Variants in TBC1D31 observed in about 807,000 individuals in gnomAD.
TBC1D31 encodes the protein WD repeat domain 67.
TBC1D31 carries 99 observed loss-of-function variants against 132.9 expected under a neutral mutation model. The observed-to-expected ratio is 0.74, with a 90% confidence interval of 0.63 to 0.88. The LOEUF is 0.88. Ranked by LOEUF, TBC1D31 falls within the 40% of genes least tolerant of loss-of-function variation. The probability of loss-of-function intolerance (pLI) is 0.00; values close to 1 mark genes in which losing one functional copy is unlikely to be tolerated. For missense variants in TBC1D31, 1,134 were observed against 1,256.6 expected, an observed-to-expected ratio of 0.90 and a Z score of 1.48; for synonymous variants, 385 against 419.4, an observed-to-expected ratio of 0.92 and a Z score of 1.00.
intron 13 of TBC1D31, 140 bp from the exon 14 acceptor site, chr8:123,128,141 G>T: frequency 2.1e-6 from 1 of 468,162 alleles, no homozygotes; most frequent in South Asian, 4.6e-5. Context: ...TAAAACTTGA[G>T]TAAAGAAAAG....
At chr8:123,147,168 T>C (rs1822297366) in intron 20 of TBC1D31, among the ~76,000 whole-genome samples, 1 of 152,048 alleles carries the variant, frequency 6.6e-6, no homozygotes, top group African/African-American at 2.4e-5. Flanking sequence ...ACCCTTGTTT[T>C]TTTTTTTGGT....
intron 10 of TBC1D31, among the ~76,000 whole-genome samples, chr8:123,112,367 G>T (rs955568609): frequency 6.6e-6 from 1 of 152,056 alleles, no homozygotes; most frequent in East Asian, 1.9e-4. Context: ...ATTCAGAACA[G>T]GCTGACTTCT....
intron 6 of TBC1D31, among the ~76,000 whole-genome samples, chr8:123,099,220 C>T (rs1322449081): frequency 3.3e-5 from 5 of 152,146 alleles, no homozygotes; most frequent in South Asian, 2.1e-4. Flanking sequence ...CCCAGGTTCA[C>T]GCCATTCTCC....
the TBC1D31 span, among the ~76,000 whole-genome samples, chr8:123,159,581 C>T: frequency 6.6e-6 from 1 of 152,248 alleles, no homozygotes; most frequent in South Asian, 2.1e-4. Context: ...CACCTGAGGT[C>T]GAGAGTTCGA....
At chr8:123,117,633 G>A (rs1819062473) in intron 10 of TBC1D31, among the ~76,000 whole-genome samples, 1 of 150,616 alleles carries the variant, frequency 6.6e-6, no homozygotes, top group African/African-American at 2.4e-5. Context: ...CGCGCCTGTA[G>A]TCCCAGCTAC....
chr8:123,076,319 T>A (rs1442854679), intron 1 of TBC1D31, among the ~76,000 whole-genome samples: 1 of 141,210 alleles, frequency 7.1e-6, no homozygotes, highest in Non-Finnish European at 1.5e-5. Flanking sequence ...CTTCTTTATT[T>A]TTTCTTTTAA....
Position 123,144,731 on chromosome 8 carries a change from A to C in TBC1D31, c.2850A>C (p.Glu950Asp), listed in dbSNP as rs917152229. 12 of 1,604,766 alleles carry C rather than the reference A, an allele frequency of 7.5e-6. No homozygotes were observed. Among genetic ancestry groups the C allele is most frequent in the Non-Finnish European group, 1.0e-5 (12 of 1,177,844 alleles). ...EEEAKKWKEA[E>D]GKEFRLRSAK... Reference sequence around the variant, plus strand: ...TTTGAATTTAGTGGAAGGAAGCTGAAGGAAAAGAGTTCCGTTTGAGATCAG... The same window carrying C: ...TTTGAATTTAGTGGAAGGAAGCTGACGGAAAAGAGTTCCGTTTGAGATCAG... Residue 950 changes from glutamate to aspartate, a missense_variant, in exon 20 of 22, where the codon GAA becomes GAC. Glu to Asp is a conservative substitution (Grantham distance 45, BLOSUM62 2). Coordinates refer to ENST00000287380, the MANE Select transcript of TBC1D31 (RefSeq NM_145647.4).
At chr8:123,165,035 GAGA>G in the TBC1D31 span, among the ~76,000 whole-genome samples, 1 of 152,216 alleles carries the variant, frequency 6.6e-6, no homozygotes, top group Admixed American at 6.5e-5. Flanking sequence ...TACACACAGA[GAGA>G]AGATGATAAG....
At chr8:123,075,369 T>G (rs1814394097) in intron 1 of TBC1D31, among the ~76,000 whole-genome samples, 1 of 152,220 alleles carries the variant, frequency 6.6e-6, no homozygotes, top group Non-Finnish European at 1.5e-5. Flanking sequence ...TTTAGTATAC[T>G]TTAATGAAAT....
At chr8:123,120,486 A>C (rs1159616574) in intron 11 of TBC1D31, among the ~76,000 whole-genome samples, 1 of 152,178 alleles carries the variant, frequency 6.6e-6, no homozygotes, top group Non-Finnish European at 1.5e-5. Flanking sequence ...AGCCTGGCCA[A>C]CGTGGTGAAA....
intron 1 of TBC1D31, among the ~76,000 whole-genome samples, chr8:123,074,753 T>C (rs1459302228): frequency 6.6e-6 from 1 of 152,218 alleles, no homozygotes; most frequent in Non-Finnish European, 1.5e-5. Context: ...TGGAGTCAGA[T>C]GTATTTTGTT....
At chr8:123,158,108 C>T in the TBC1D31 span, among the ~76,000 whole-genome samples, 3 of 149,790 alleles carry the variant, frequency 2.0e-5, no homozygotes, top group Non-Finnish European at 4.4e-5. Flanking sequence ...GAAGCCCGCT[C>T]TCCTTTCCCT....
rs780767716 is a variant in TBC1D31, at chr8:123,126,692, C to T, written c.1884+5C>T. On this transcript the variant is annotated splice_donor_5th_base_variant and intron_variant, in intron 13 of 21. Coordinates refer to ENST00000287380, the MANE Select transcript of TBC1D31 (RefSeq NM_145647.4). Reference sequence around the variant, plus strand: ...AATCTTAAAGATGACTTTGAGGTAACGGTCCTTGTTCTTAAGAGAAGGTTC... The same window carrying T: ...AATCTTAAAGATGACTTTGAGGTAATGGTCCTTGTTCTTAAGAGAAGGTTC... 20 of 1,601,874 alleles carry T rather than the reference C, an allele frequency of 1.2e-5. No homozygotes were observed. The highest frequency in any genetic ancestry group is 1.0e-4 in the Admixed American group (6 of 57,872).
chr8:123,145,184 A>G (rs1822074470), intron 20 of TBC1D31, among the ~76,000 whole-genome samples: 2 of 152,196 alleles, frequency 1.3e-5, no homozygotes, highest in Admixed American at 6.5e-5. Context: ...CTTGCCTCTC[A>G]AAGTGCTGGG....
chr8:123,078,463 A>T (rs751844108), intron 2 of TBC1D31, among the ~76,000 whole-genome samples: 15 of 152,214 alleles, frequency 9.9e-5, no homozygotes, highest in Non-Finnish European at 1.8e-4. Context: ...ATATATGTAC[A>T]CATTCCCTAG....
rs1822632878 is a variant in TBC1D31 at position 123,150,088 on chromosome 8, A to T, written c.3027A>T (p.Ser1009=). The T allele has an allele frequency of 6.2e-7, 1 of 1,613,996 alleles. No individual in the cohort carries two copies. Among genetic ancestry groups the T allele is most frequent in the Non-Finnish European group, 8.5e-7 (1 of 1,179,980 alleles). ...EQDSSCLPRT[S]QLNDSSEMDP... is the part of the protein sequence containing the mutation. Reference sequence around the variant, plus strand: ...ACTCAAGCTGTTTGCCTAGAACCTCACAATTAAATGACTCTTCTGAAATGG... The same window carrying T: ...ACTCAAGCTGTTTGCCTAGAACCTCTCAATTAAATGACTCTTCTGAAATGG... Residue 1009 remains serine (S), a synonymous_variant, in exon 21 of 22, where the codon TCA becomes TCT. Coordinates refer to ENST00000287380, the MANE Select transcript of TBC1D31 (RefSeq NM_145647.4).
chr8:123,102,149 G>A (rs540803025), intron 7 of TBC1D31: 3 of 441,308 alleles, frequency 6.8e-6, no homozygotes, highest in African/African-American at 6.1e-5. Flanking sequence ...CAGCTAACCA[G>A]TCATATTGTC....
At chr8:123,076,626 G>A (rs891004696) in intron 1 of TBC1D31, among the ~76,000 whole-genome samples, 2 of 152,114 alleles carry the variant, frequency 1.3e-5, no homozygotes, top group African/African-American at 2.4e-5. Flanking sequence ...TACAGAACTC[G>A]CCTGCCAGGG....
At chr8:123,161,719 A>T in the TBC1D31 span, among the ~76,000 whole-genome samples, 1 of 152,194 alleles carries the variant, frequency 6.6e-6, no homozygotes, top group East Asian at 1.9e-4. Context: ...TATGACATTT[A>T]AAAATATACC....
Sources: gnomAD v4.1 joint callset for allele counts (sites outside exome capture counted in the v4.1 genomes callset) on GRCh38, gnomAD v4.1.1 for gene constraint, MANE v1.5 for transcripts, NCBI Gene and HGNC (gene_info 2026-07-23, HGNC 2026-07-21) for gene names.